Variants in TCP11L1 observed in about 807,000 individuals in gnomAD.
The protein encoded by TCP11L1 is t-complex 11 like 1.
A neutral mutation model predicts 48.9 loss-of-function variants in TCP11L1; 28 were observed. The observed-to-expected ratio is 0.57, with a 90% confidence interval of 0.42 to 0.78. The LOEUF (loss-of-function observed/expected upper bound fraction) is 0.78, where lower values mean the gene tolerates loss of function less well. TCP11L1 is among the 30% of genes least tolerant of loss of function. The probability of loss-of-function intolerance (pLI) is 0.00; values close to 1 mark genes in which losing one functional copy is unlikely to be tolerated. For synonymous variants in TCP11L1, 204 were observed against 231.9 expected, an observed-to-expected ratio of 0.88 and a Z score of 1.09; for missense variants, 505 against 613.4, an observed-to-expected ratio of 0.82 and a Z score of 1.87.
chr11:33,070,138 C>T (rs570298594), intron 9 of TCP11L1, among the ~76,000 whole-genome samples: 1 of 151,896 alleles, frequency 6.6e-6, no homozygotes, highest in Admixed American at 6.6e-5. Context: ...AAAAATTAGC[C>T]AGGTTAGTGA....
chr11:33,047,473 C>G (rs970311979), intron 2 of TCP11L1, among the ~76,000 whole-genome samples: 1 of 152,146 alleles, frequency 6.6e-6, no homozygotes. Context: ...CCTAGTTGAC[C>G]AGTAAAAGAT....
At chr11:33,047,978 A>G (rs1854048644) in intron 2 of TCP11L1, among the ~76,000 whole-genome samples, 1 of 152,212 alleles carries the variant, frequency 6.6e-6, no homozygotes, top group Non-Finnish European at 1.5e-5. Context: ...AAAGATAGAG[A>G]GTACAACCAT....
chr11:33,043,701 CAG>C (rs1390474684), intron 1 of TCP11L1, 47 bp from the exon 2 acceptor site: 2 of 1,480,930 alleles, frequency 1.4e-6, no homozygotes, highest in African/African-American at 2.8e-5. Context: ...TAGTTGGTGA[CAG>C]AGCTAGAATA....
At chr11:33,066,178 G>C (rs564594285) in intron 8 of TCP11L1, among the ~76,000 whole-genome samples, 167 bp downstream of exon 8, 6 of 152,282 alleles carry the variant, frequency 3.9e-5, no homozygotes, top group South Asian at 2.1e-4. Context: ...CCCCAGCAGA[G>C]TTTATTTAGG....
chr11:33,043,125 C>T (rs535217619), intron 1 of TCP11L1, among the ~76,000 whole-genome samples: 1 of 152,292 alleles, frequency 6.6e-6, no homozygotes, highest in African/African-American at 2.4e-5. Context: ...ATTTCAGCTA[C>T]TTGGGAGGCT....
In TCP11L1 at chr11:33,048,762, C is replaced by G. The variant is rs575481550; in HGVS notation, c.163+4826C>G. On this transcript the variant is annotated intron_variant, in intron 2 of 9. Coordinates refer to ENST00000334274, the MANE Select transcript of TCP11L1 (RefSeq NM_018393.4). ...TTCGGAGGATTCTTATATTTCATAG[C>G]ACACCCTTAAGTCTCTTCTTTTTGC... is the stretch of plus-strand genomic sequence containing the variant. Among the ~76,000 whole-genome samples, 28 of 152,266 alleles carry G rather than the reference C, an allele frequency of 1.8e-4. 1 individual carries two copies. Among genetic ancestry groups the G allele is most frequent in the Admixed American group, 1.6e-3 (24 of 15,296 alleles).
intron 9 of TCP11L1, among the ~76,000 whole-genome samples, chr11:33,071,477 G>T (rs1220207792): frequency 6.6e-6 from 1 of 152,182 alleles, no homozygotes; most frequent in Non-Finnish European, 1.5e-5. Flanking sequence ...TGTCTCTGTT[G>T]TTTTTGTGAT....
At chr11:33,045,116 C>G (rs968491013) in intron 2 of TCP11L1, among the ~76,000 whole-genome samples, 1 of 151,650 alleles carries the variant, frequency 6.6e-6, no homozygotes, top group Non-Finnish European at 1.5e-5. Context: ...GCACTTTGGG[C>G]GGCTGAGGCA....
At chr11:33,054,126 T>C (rs1854244164) in intron 2 of TCP11L1, among the ~76,000 whole-genome samples, 1 of 152,148 alleles carries the variant, frequency 6.6e-6, no homozygotes, top group South Asian at 2.1e-4. Context: ...TTGATGCTAT[T>C]TTAATTTGGG....
intron 9 of TCP11L1, 95 bp downstream of exon 9, chr11:33,068,954 G>A: frequency 7.0e-7 from 1 of 1,437,620 alleles, no homozygotes; most frequent in East Asian, 2.4e-5. Context: ...CTGGAGTTAA[G>A]GTGCTGATGG....
chr11:33,065,086 A>G (rs1412836485), intron 7 of TCP11L1, among the ~76,000 whole-genome samples: 1 of 152,226 alleles, frequency 6.6e-6, no homozygotes, highest in Non-Finnish European at 1.5e-5. Context: ...TGGTGACCCT[A>G]GGTCTGTGCC....
intron 2 of TCP11L1, among the ~76,000 whole-genome samples, chr11:33,050,104 C>T (rs1854114855): frequency 6.6e-6 from 1 of 152,212 alleles, no homozygotes; most frequent in South Asian, 2.1e-4. Flanking sequence ...GCCCTAAATC[C>T]ATTAAACCTT....
chr11:33,046,666 G>A (rs1854004010), intron 2 of TCP11L1, among the ~76,000 whole-genome samples: 1 of 152,154 alleles, frequency 6.6e-6, no homozygotes, highest in African/African-American at 2.4e-5. Context: ...TAGGTACAGG[G>A]CTATAAACCC....
At chr11:33,042,448 G>C (rs1413289838) in intron 1 of TCP11L1, among the ~76,000 whole-genome samples, 3 of 152,080 alleles carry the variant, frequency 2.0e-5, no homozygotes, top group African/African-American at 7.2e-5. Flanking sequence ...GGCCCAGGCA[G>C]ACCTTTTATT....
In TCP11L1 at chr11:33,059,115, G is replaced by A; in HGVS notation, c.775+20G>A. ...AACCAAGTATGTTGAATATTTTGTG[G>A]TACTTTTTTTGTTGTCTGTGGTTTT... On this transcript the variant is annotated intron_variant, in intron 6 of 9. Transcript: ENST00000334274. 1 of 1,609,484 alleles carries A rather than the reference G, an allele frequency of 6.2e-7. No homozygotes were observed. Among genetic ancestry groups the A allele is most frequent in the South Asian group, 1.1e-5 (1 of 90,016 alleles).
At chr11:33,061,216 A>G (rs945770693) in intron 6 of TCP11L1, among the ~76,000 whole-genome samples, 2 of 152,084 alleles carry the variant, frequency 1.3e-5, no homozygotes, top group Non-Finnish European at 2.9e-5. Flanking sequence ...TCAGCCTCCC[A>G]AAGTGCTGGG....
intron 1 of TCP11L1, chr11:33,040,083 G>C (rs1340699870): frequency 6.7e-6 from 1 of 148,956 alleles, no homozygotes; most frequent in Non-Finnish European, 1.5e-5. Flanking sequence ...CAGAGGAGGG[G>C]ATTCCCGGCG....
intron 2 of TCP11L1, among the ~76,000 whole-genome samples, chr11:33,049,231 A>G (rs1464613812): frequency 2.1e-5 from 3 of 144,552 alleles, no homozygotes; most frequent in Non-Finnish European, 4.5e-5. Flanking sequence ...GCCTCGTGAC[A>G]GAGCAAGACT....
At chr11:33,060,804 A>G (rs1854446211) in intron 6 of TCP11L1, among the ~76,000 whole-genome samples, 2 of 152,158 alleles carry the variant, frequency 1.3e-5, no homozygotes, top group Non-Finnish European at 2.9e-5. Flanking sequence ...GGGAAACTCT[A>G]GCTGGTGTCT....
Sources: allele counts gnomAD v4.1 joint callset (sites outside exome capture counted in the v4.1 genomes callset), GRCh38; gene constraint gnomAD v4.1.1; transcripts MANE v1.5; gene names NCBI Gene and HGNC (gene_info 2026-07-23, HGNC 2026-07-21).